Variants in CAST observed in about 807,000 individuals in gnomAD.
CAST encodes MIR583 host.
CAST carries 76 observed loss-of-function variants against 119.6 expected under a neutral mutation model. The ratio of observed to expected loss-of-function variants is 0.64; its 90% CI spans 0.53 to 0.77. CAST has a LOEUF of 0.77. Ranked by LOEUF, CAST falls within the 30% of genes least tolerant of loss-of-function variation. CAST has a pLI of 0.00. For synonymous variants in CAST, 319 were observed against 331.6 expected (o/e 0.96, Z 0.41); for missense variants, 953 against 946.5 (o/e 1.01, Z -0.09).
chr5:96,745,997 T>G (rs1763677199), intron 16 of CAST, among the ~76,000 whole-genome samples: 1 of 152,260 alleles, frequency 6.6e-6, no homozygotes, highest in Admixed American at 6.5e-5. Flanking sequence ...TCTGGTGATC[T>G]TCACAAGTCA....
the CAST span, among the ~76,000 whole-genome samples, chr5:96,457,685 C>G: frequency 4.8e-4 from 73 of 152,230 alleles, no homozygotes; most frequent in African/African-American, 1.6e-3. Flanking sequence ...ACTCTCTTTT[C>G]TCTTCCAATT....
At chr5:96,419,384 TTA>T in the CAST span, among the ~76,000 whole-genome samples, 54,940 of 143,878 alleles carry the variant, frequency 0.38, 11,006 homozygotes, top group African/African-American at 0.46. Flanking sequence ...ATAATACTTA[TTA>T]TATATATATA....
chr5:96,043,375 G>T, the CAST span, among the ~76,000 whole-genome samples: 1 of 152,114 alleles, frequency 6.6e-6, no homozygotes, highest in African/African-American at 2.4e-5. Flanking sequence ...ACTGAAAAAT[G>T]GTCTGTTTAA....
the CAST span, among the ~76,000 whole-genome samples, chr5:96,127,063 A>G: frequency 1.3e-5 from 2 of 152,136 alleles, no homozygotes; most frequent in Non-Finnish European, 2.9e-5. Context: ...TGAACAGCTC[A>G]ATGTCCAAGG....
At chr5:96,597,228 A>C (rs1190917193) in intron 1 of CAST, among the ~76,000 whole-genome samples, 2 of 152,230 alleles carry the variant, frequency 1.3e-5, no homozygotes, top group African/African-American at 4.8e-5. Flanking sequence ...TTTAATTTTC[A>C]TGCATTCTCA....
the CAST span, among the ~76,000 whole-genome samples, chr5:96,327,644 C>A: frequency 6.6e-6 from 1 of 152,182 alleles, no homozygotes. Flanking sequence ...CACTTAGAGA[C>A]ATCTTGGGTT....
chr5:96,316,703 C>G, the CAST span, among the ~76,000 whole-genome samples: 1 of 152,070 alleles, frequency 6.6e-6, no homozygotes, highest in Admixed American at 6.6e-5. Flanking sequence ...ATCAGGAATC[C>G]CAAAGGATAA....
the CAST span, among the ~76,000 whole-genome samples, chr5:96,236,922 A>G: frequency 1.3e-5 from 2 of 152,148 alleles, no homozygotes; most frequent in African/African-American, 2.4e-5. Flanking sequence ...AGCCAGCTCA[A>G]ATGCCGTGGC....
At chr5:96,487,274 T>C in the CAST span, among the ~76,000 whole-genome samples, 1 of 152,142 alleles carries the variant, frequency 6.6e-6, no homozygotes, top group Non-Finnish European at 1.5e-5. Context: ...AGTAAAATAA[T>C]GGGTAATATT....
At chr5:96,500,725 T>G in the CAST span, among the ~76,000 whole-genome samples, 2 of 152,212 alleles carry the variant, frequency 1.3e-5, no homozygotes, top group African/African-American at 4.8e-5. Flanking sequence ...TTACATAACA[T>G]TAGCCAGAAC....
intron 1 of CAST, among the ~76,000 whole-genome samples, chr5:96,641,502 C>T (rs1357966691): frequency 1.3e-5 from 2 of 152,150 alleles, no homozygotes; most frequent in Non-Finnish European, 2.9e-5. Context: ...AACTAACTAG[C>T]GCCATGTGAA....
Position 96,664,023 on chromosome 5 carries a change from A to G in CAST, c.75+1526A>G, listed in dbSNP as rs185402372. ...TATGTCTCATTGATTTATGGTGAGA[A>G]TTAAAAAATTAGGTATGTCTTTTTC... On this transcript the variant is annotated intron_variant, in intron 1 of 31. Coordinates refer to ENST00000675179, the MANE Select transcript of CAST (RefSeq NM_001750.7). 7.9e-5 allele frequency among the ~76,000 whole-genome samples: 12 copies of G among 152,132 alleles called. No homozygotes were observed. The East Asian group carries it at 2.1e-3, about 27-fold the overall frequency.
At chr5:96,481,089 G>A in the CAST span, among the ~76,000 whole-genome samples, 1 of 150,462 alleles carries the variant, frequency 6.6e-6, no homozygotes, top group Non-Finnish European at 1.5e-5. Flanking sequence ...GGCATGTGGA[G>A]AGAAAAGCTC....
At chr5:96,670,820 T>C (rs549721226) in intron 1 of CAST, among the ~76,000 whole-genome samples, 1 of 152,216 alleles carries the variant, frequency 6.6e-6, no homozygotes, top group Non-Finnish European at 1.5e-5. Context: ...TTTATCTTGT[T>C]TTGTGTGACA....
upstream of CAST, chr5:96,662,270 C>A: frequency 1.0e-6 from 1 of 955,316 alleles, no homozygotes; most frequent in Non-Finnish European, 1.4e-6. Flanking sequence ...CCGGCGCAGA[C>A]CTGGGGTGGG....
chr5:96,125,909 A>G, the CAST span, among the ~76,000 whole-genome samples: 1 of 152,072 alleles, frequency 6.6e-6, no homozygotes, highest in African/African-American at 2.4e-5. Flanking sequence ...GGGTTTTGAC[A>G]TTGCTTACTA....
At chr5:96,720,284 A>G (rs1170099675) in intron 3 of CAST, among the ~76,000 whole-genome samples, 1 of 152,256 alleles carries the variant, frequency 6.6e-6, no homozygotes, top group African/African-American at 2.4e-5. Flanking sequence ...TTGAAGATCT[A>G]TGGATTAACC....
At chr5:96,752,897 C>T (rs1357698507) in intron 20 of CAST, among the ~76,000 whole-genome samples, 1 of 151,598 alleles carries the variant, frequency 6.6e-6, no homozygotes, top group African/African-American at 2.4e-5. Flanking sequence ...CAACCCCATC[C>T]CCATACACTG....
chr5:96,075,182 C>G, the CAST span, among the ~76,000 whole-genome samples: 2 of 152,104 alleles, frequency 1.3e-5, no homozygotes, highest in Admixed American at 1.3e-4. Flanking sequence ...ATTTTTAGAG[C>G]TTTGTTTTGA....
Sources: allele counts gnomAD v4.1 joint callset (sites outside exome capture counted in the v4.1 genomes callset), GRCh38; gene constraint gnomAD v4.1.1; transcripts MANE v1.5; gene names NCBI Gene and HGNC (gene_info 2026-07-23, HGNC 2026-07-21).